CDKL3: variants seen among roughly 807,000 people sequenced by gnomAD.
The protein encoded by CDKL3 is cyclin-dependent kinase-like 3.
CDKL3 carries 65 observed loss-of-function variants against 69.3 expected under a neutral mutation model. The ratio of observed to expected loss-of-function variants is 0.94; its 90% CI spans 0.77 to 1.15. The LOEUF is 1.15. Ranked by LOEUF, CDKL3 falls within the 50% of genes most tolerant of loss-of-function variation. The pLI is 0.00. For missense variants in CDKL3, 652 were observed against 689.2 expected (o/e 0.95, Z 0.61); for synonymous variants, 202 against 221.6 (o/e 0.91, Z 0.79).
chr5:134,310,074 G>A (rs1039376997), intron 7 of CDKL3, among the ~76,000 whole-genome samples: 2 of 152,142 alleles, frequency 1.3e-5, no homozygotes, highest in Admixed American at 6.5e-5. Context: ...CAAGCAATCC[G>A]CCTGCTTCGG....
chr5:134,369,783 T>G (rs1400630639), upstream of CDKL3, among the ~76,000 whole-genome samples: 1 of 152,074 alleles, frequency 6.6e-6, no homozygotes, highest in Non-Finnish European at 1.5e-5. Context: ...CCCAGGCTGG[T>G]CTTCAACTCC....
At chr5:134,369,953 A>G (rs1405312279), upstream of CDKL3, among the ~76,000 whole-genome samples, 5 of 152,188 alleles carry the variant, frequency 3.3e-5, no homozygotes, top group African/African-American at 9.7e-5. Flanking sequence ...AATGGCAGAA[A>G]GGCAAAAAAA....
At position 134,292,400 on chromosome 5, in the gene CDKL3, G is replaced by C. The variant is rs139452388; in HGVS notation, c.*678-5841C>G. Among the ~76,000 whole-genome samples the C allele has an allele frequency of 6.9e-4, 105 of 152,078 alleles. 3 individuals carry two copies. The East Asian group carries it at 0.016, about 23-fold the overall frequency. On this transcript the variant is annotated intron_variant and NMD_transcript_variant, in intron 8 of 8. Coordinates refer to the CDKL3 transcript ENST00000519312. ...CAAATAAAAAATAAAAAAGAAAGTT[G>C]GGAAATACTTTCACTGATGATAGGA...
At chr5:134,367,491 A>C, upstream of CDKL3, 4 of 723,850 alleles carry the variant, frequency 5.5e-6, no homozygotes, top group Non-Finnish European at 6.7e-6. Context: ...TTCCTGCCTC[A>C]GCCTCCCGAG....
In CDKL3 at chr5:134,319,351, A is replaced by C. The variant is rs75070827; in HGVS notation, c.792+7T>G. The C allele has an allele frequency of 1.3e-6, 2 of 1,504,836 alleles. No individual in the cohort carries two copies. Among genetic ancestry groups the C allele is most frequent in the Non-Finnish European group, 1.8e-6 (2 of 1,132,840 alleles). The allele number at this position is 1,504,836 out of a possible 1,614,324, so 93.2% of individuals were successfully genotyped here. On this transcript the variant is annotated splice_region_variant and intron_variant, in intron 6 of 12. Coordinates refer to ENST00000265334, the MANE Select transcript of CDKL3 (RefSeq NM_001113575.2). ...TCTCCGGGGGAGGAAAAAAAAAAAA[A>C]ACATACATGAACTATATCTGCCAAC... is the stretch of plus-strand genomic sequence containing the variant.
intron 6 of CDKL3, among the ~76,000 whole-genome samples, chr5:134,318,740 G>A (rs61543698): frequency 9.2e-5 from 14 of 151,858 alleles, no homozygotes; most frequent in East Asian, 7.7e-4. Context: ...CCGTCTCGGC[G>A]TCCCAAAGTG....
At chr5:134,350,198 C>CA in intron 4 of CDKL3, 51 bp downstream of exon 4, 3 of 1,408,236 alleles carry the variant, frequency 2.1e-6, no homozygotes, top group Non-Finnish European at 2.9e-6. Context: ...AAAAAATAAA[C>CA]AAAAAAAGAG....
At chr5:134,304,214 C>A (rs1182656087) in intron 11 of CDKL3, among the ~76,000 whole-genome samples, 191 bp downstream of exon 11, 4 of 152,132 alleles carry the variant, frequency 2.6e-5, no homozygotes, top group Admixed American at 6.6e-5. Flanking sequence ...CACGCCTAAG[C>A]CTCTTTAAAA....
intron 2 of CDKL3, among the ~76,000 whole-genome samples, chr5:134,360,738 A>T (rs1014933581): frequency 2.0e-5 from 3 of 152,198 alleles, no homozygotes; most frequent in Non-Finnish European, 1.5e-5. Context: ...TTAACACCCA[A>T]AATTTAAAAG....
At chr5:134,358,358 C>T (rs1029160098) in intron 3 of CDKL3, among the ~76,000 whole-genome samples, 3 of 152,190 alleles carry the variant, frequency 2.0e-5, no homozygotes, top group Non-Finnish European at 4.4e-5. Context: ...GTTCAAAATT[C>T]TACTTACTTT....
chr5:134,308,326 A>G lies in CDKL3; in HGVS notation c.1176T>C (p.His392=), dbSNP rs761503573. 1.2e-6 allele frequency: 2 copies of G among 1,613,948 alleles called. No individual in the cohort carries two copies. Among genetic ancestry groups the G allele is most frequent in the Non-Finnish European group, 1.7e-6 (2 of 1,179,858 alleles). Residue 392 remains histidine, a synonymous_variant, in exon 9 of 13, where the codon CAT becomes CAC. Coordinates refer to ENST00000265334, the MANE Select transcript of CDKL3 (RefSeq NM_001113575.2). ...LGQQDANENV[H]PMSPDTKLVT... The stretch of plus-strand genomic sequence containing the variant: ...CAAGTTTTGTATCTGGAGACATAGG[A>G]TGAACATTTTCATTTGCATCCTGTT...
downstream of CDKL3, among the ~76,000 whole-genome samples, chr5:134,285,118 G>C (rs1368278703): frequency 6.6e-6 from 1 of 152,088 alleles, no homozygotes; most frequent in Non-Finnish European, 1.5e-5. Context: ...CCTCCGTTCG[G>C]GGCCCCTGAC....
At chr5:134,365,849 A>G (rs1481401170) in intron 2 of CDKL3, among the ~76,000 whole-genome samples, 1 of 152,188 alleles carries the variant, frequency 6.6e-6, no homozygotes, top group Non-Finnish European at 1.5e-5. Context: ...AACCTAGAAC[A>G]CAACAGTTTC....
chr5:134,285,386 A>T (rs1041564786), downstream of CDKL3, among the ~76,000 whole-genome samples: 1 of 152,154 alleles, frequency 6.6e-6, no homozygotes, highest in African/African-American at 2.4e-5. Context: ...ACTTCTGTGC[A>T]CTCACAGGCT....
chr5:134,331,455 G>A (rs1025259511), intron 4 of CDKL3, among the ~76,000 whole-genome samples: 5 of 151,496 alleles, frequency 3.3e-5, no homozygotes, highest in African/African-American at 7.3e-5. Context: ...TCCCTCCCCC[G>A]GGCCCCCACC....
intron 2 of CDKL3, among the ~76,000 whole-genome samples, chr5:134,364,399 CT>C (rs1756855822): frequency 6.6e-6 from 1 of 152,094 alleles, no homozygotes; most frequent in Non-Finnish European, 1.5e-5. Context: ...AATTGAAGTA[CT>C]TCCCAAACCA....
At chr5:134,367,840 C>CAA (rs1374576226), upstream of CDKL3, among the ~76,000 whole-genome samples, 2 of 152,116 alleles carry the variant, frequency 1.3e-5, no homozygotes, top group Non-Finnish European at 2.9e-5. Flanking sequence ...AAATGATGTA[C>CAA]AAGAGCACGG....
intron 10 of CDKL3, among the ~76,000 whole-genome samples, chr5:134,305,619 GA>G (rs760309386): frequency 9.9e-5 from 15 of 152,192 alleles, no homozygotes; most frequent in Admixed American, 2.0e-4. Flanking sequence ...TTGTTCATTT[GA>G]AAACAGATGA....
chr5:134,353,848 G>A (rs925673759), intron 3 of CDKL3, among the ~76,000 whole-genome samples: 8 of 152,090 alleles, frequency 5.3e-5, no homozygotes, highest in African/African-American at 1.2e-4. Context: ...GTGAGCCACC[G>A]TGCCTAGCCT....
Sources: allele counts gnomAD v4.1 joint callset (sites outside exome capture counted in the v4.1 genomes callset), GRCh38; gene constraint gnomAD v4.1.1; transcripts MANE v1.5; gene names NCBI Gene and HGNC (gene_info 2026-07-23, HGNC 2026-07-21).